The following HPGDS variants were observed in gnomAD, a reference collection of about 807,000 sequenced individuals.
HPGDS encodes the protein GST class-sigma.
Under a neutral mutation model 23.1 loss-of-function variants are expected in HPGDS, and 26 were observed. The ratio of observed to expected loss-of-function variants is 1.13; its 90% CI spans 0.83 to 1.56. The LOEUF (loss-of-function observed/expected upper bound fraction) is 1.56, where lower values mean the gene tolerates loss of function less well. HPGDS is among the 40% of genes most tolerant of loss of function. HPGDS has a pLI of 0.00. For synonymous variants in HPGDS, 95 were observed against 77.9 expected (o/e 1.22, Z -1.16); for missense variants, 268 against 236.4 (o/e 1.13, Z -0.88).
chr4:94,340,260 C>CCTCTAAACCTTTCTTT (rs1553926287), intron 1 of HPGDS, among the ~76,000 whole-genome samples: 1 of 81,444 alleles, frequency 1.2e-5, no homozygotes, highest in Non-Finnish European at 2.5e-5. Context: ...CTGGTCTAAA[C>CCTCTAAACCTTTCTTT]CTTTCTTTCT....
chr4:94,328,496 C>T (rs1442531100), intron 2 of HPGDS, among the ~76,000 whole-genome samples: 1 of 151,984 alleles, frequency 6.6e-6, no homozygotes, highest in African/African-American at 2.4e-5. Flanking sequence ...TTATCTAAAC[C>T]TATTATATTT....
intron 2 of HPGDS, among the ~76,000 whole-genome samples, chr4:94,330,093 A>G (rs1756708963): frequency 6.6e-6 from 1 of 152,228 alleles, no homozygotes; most frequent in African/African-American, 2.4e-5. Context: ...ACTTGTTTGG[A>G]GGATACCTAC....
chr4:94,302,446 G>T (rs1404045613), intron 4 of HPGDS, among the ~76,000 whole-genome samples: 1 of 151,896 alleles, frequency 6.6e-6, no homozygotes, highest in Admixed American at 6.6e-5. Flanking sequence ...ATTGCTCATG[G>T]ATTAAAAAAA....
At chr4:94,319,744 G>T (rs1756465783) in intron 2 of HPGDS, among the ~76,000 whole-genome samples, 1 of 152,064 alleles carries the variant, frequency 6.6e-6, no homozygotes, top group Non-Finnish European at 1.5e-5. Flanking sequence ...TTTTGCTTGT[G>T]TGAGAAAGAC....
At chr4:94,320,315 T>C (rs1756477686) in intron 2 of HPGDS, among the ~76,000 whole-genome samples, 1 of 152,198 alleles carries the variant, frequency 6.6e-6, no homozygotes, top group Non-Finnish European at 1.5e-5. Context: ...TTTCTATATC[T>C]AGATCCTTGA....
At chr4:94,339,592 T>C (rs566721919) in intron 1 of HPGDS, among the ~76,000 whole-genome samples, 1 of 152,366 alleles carries the variant, frequency 6.6e-6, no homozygotes, top group African/African-American at 2.4e-5. Context: ...GATTTAACTT[T>C]TAATATTAAT....
At chr4:94,322,962 G>A (rs1011970118) in intron 2 of HPGDS, among the ~76,000 whole-genome samples, 1 of 152,196 alleles carries the variant, frequency 6.6e-6, no homozygotes, top group Non-Finnish European at 1.5e-5. Context: ...GGTACATTGT[G>A]TCTTTGTTCT....
intron 3 of HPGDS, among the ~76,000 whole-genome samples, chr4:94,309,050 CTTTTTTTTTT>C (rs34427506): frequency 1.3e-4 from 4 of 31,016 alleles, no homozygotes; most frequent in South Asian, 1.7e-3. Context: ...GGTGTACTTG[CTTTTTTTTTT>C]TTTTTTTTTT....
chr4:94,321,059 G>C (rs182484300), intron 2 of HPGDS, among the ~76,000 whole-genome samples: 15 of 152,150 alleles, frequency 9.9e-5, no homozygotes, highest in Non-Finnish European at 1.8e-4. Context: ...GTTTGTCAAA[G>C]ATCAGATGGT....
intron 2 of HPGDS, among the ~76,000 whole-genome samples, chr4:94,321,632 G>T (rs1379515378): frequency 6.6e-6 from 1 of 152,168 alleles, no homozygotes; most frequent in Non-Finnish European, 1.5e-5. Context: ...AGACTTTGTT[G>T]AAGTTGCTTA....
At chr4:94,301,118 G>T (rs962429875) in intron 5 of HPGDS, among the ~76,000 whole-genome samples, 5 of 152,204 alleles carry the variant, frequency 3.3e-5, no homozygotes, top group African/African-American at 1.2e-4. Flanking sequence ...GAGGTTGAAA[G>T]TTGAGAATAA....
At chr4:94,308,923 T>C (rs1458174749) in intron 3 of HPGDS, among the ~76,000 whole-genome samples, 180 bp from the exon 4 acceptor site, 1 of 152,070 alleles carries the variant, frequency 6.6e-6, no homozygotes, top group Non-Finnish European at 1.5e-5. Context: ...GGTACCACTT[T>C]AATTAGTATT....
intron 2 of HPGDS, among the ~76,000 whole-genome samples, chr4:94,320,963 T>C (rs986647587): frequency 2.0e-5 from 3 of 152,198 alleles, no homozygotes; most frequent in Non-Finnish European, 4.4e-5. Context: ...AGGGATCCAG[T>C]TTCAGCTTTC....
At chr4:94,318,014 T>A (rs575579032) in intron 2 of HPGDS, 49 bp from the exon 3 acceptor site, 14 of 1,014,612 alleles carry the variant, frequency 1.4e-5, no homozygotes, top group Admixed American at 9.2e-5. Flanking sequence ...AACCAGAAGT[T>A]ATATTACTTC....
At chr4:94,328,094 T>C (rs544928476) in intron 2 of HPGDS, among the ~76,000 whole-genome samples, 2 of 152,218 alleles carry the variant, frequency 1.3e-5, no homozygotes, top group South Asian at 2.1e-4. Context: ...ATTGCAGGAG[T>C]CTGCGGAGTA....
At chr4:94,339,044 C>T (rs150781580) in intron 1 of HPGDS, among the ~76,000 whole-genome samples, 7 of 152,296 alleles carry the variant, frequency 4.6e-5, no homozygotes, top group Admixed American at 2.6e-4. Flanking sequence ...ATAGGACAGA[C>T]ATGACATAGA....
At chr4:94,329,511 G>A (rs1231936320) in intron 2 of HPGDS, among the ~76,000 whole-genome samples, 2 of 152,158 alleles carry the variant, frequency 1.3e-5, no homozygotes, top group Non-Finnish European at 2.9e-5. Flanking sequence ...TAGCTAAGTG[G>A]AACATAACCA....
At chr4:94,304,169 T>C (rs1756097849) in intron 4 of HPGDS, among the ~76,000 whole-genome samples, 1 of 152,078 alleles carries the variant, frequency 6.6e-6, no homozygotes, top group African/African-American at 2.4e-5. Context: ...TATGAAAGTT[T>C]AACAAATGAC....
chr4:94,299,615 A>T lies in HPGDS; in HGVS notation c.465T>A (p.Ile155=). ...SVTWADFYWE[I]CSTTLLVFKP... is the part of the protein sequence containing the mutation. ...TAAAGACCAAAAGTGTGGTACTGCA[A>T]ATCTCCCAGTAGAAGTCTGCCCAAG... Residue 155 remains isoleucine, a synonymous_variant, in exon 6 of 6, where the codon ATT becomes ATA. Transcript: ENST00000295256. 6.2e-7 allele frequency: 1 copy of T among 1,614,070 alleles called. No homozygotes were observed. Among genetic ancestry groups the T allele is most frequent in the Non-Finnish European group, 8.5e-7 (1 of 1,179,966 alleles).
Sources: allele counts gnomAD v4.1 joint callset (sites outside exome capture counted in the v4.1 genomes callset), GRCh38; gene constraint gnomAD v4.1.1; transcripts MANE v1.5; gene names NCBI Gene and HGNC (gene_info 2026-07-23, HGNC 2026-07-21).